Variants in FAM81B observed in about 807,000 individuals in gnomAD.
The protein encoded by FAM81B is family with sequence similarity 81 member B, also known as protein FAM81B.
A neutral mutation model predicts 58.7 loss-of-function variants in FAM81B; 60 were observed. The ratio of observed to expected loss-of-function variants is 1.02; its 90% CI spans 0.83 to 1.27. FAM81B has a LOEUF of 1.27. FAM81B is among the 50% of genes most tolerant of loss of function. FAM81B has a pLI of 0.00. For missense variants in FAM81B, 491 were observed against 522.0 expected, an observed-to-expected ratio of 0.94 and a Z score of 0.58; for synonymous variants, 189 against 179.6, an observed-to-expected ratio of 1.05 and a Z score of -0.42.
intron 3 of FAM81B, among the ~76,000 whole-genome samples, chr5:95,408,075 T>TGAGAGAGAGAGAGAGAGA (rs10567707): frequency 7.1e-4 from 93 of 130,318 alleles, no homozygotes; most frequent in African/African-American, 1.7e-3. Context: ...TCCCCCAAAA[T>TGAGAGAGAGAGAGAGAGA]GAGAGAGAGA....
chr5:95,394,347 A>T (rs540913825), intron 2 of FAM81B, among the ~76,000 whole-genome samples: 5 of 152,204 alleles, frequency 3.3e-5, no homozygotes, highest in Admixed American at 1.3e-4. Context: ...CATACACTTT[A>T]ATTCCACAAA....
chr5:95,408,075 T>TGAGAGAGA (rs10567707), intron 3 of FAM81B, among the ~76,000 whole-genome samples: 3,876 of 130,142 alleles, frequency 0.03, 72 homozygotes, highest in Middle Eastern at 0.048. Context: ...TCCCCCAAAA[T>TGAGAGAGA]GAGAGAGAGA....
intron 3 of FAM81B, among the ~76,000 whole-genome samples, chr5:95,403,174 T>A (rs1324420675): frequency 6.6e-5 from 10 of 152,222 alleles, no homozygotes; most frequent in Non-Finnish European, 1.5e-4. Flanking sequence ...ATATTCTTAC[T>A]CTCCCCGCCT....
chr5:95,439,035 A>G (rs1745209575), intron 7 of FAM81B, among the ~76,000 whole-genome samples: 1 of 150,866 alleles, frequency 6.6e-6, no homozygotes, highest in South Asian at 2.1e-4. Context: ...AGATCAGTAA[A>G]TGTTCTAAGT....
chr5:95,409,484 C>CTTTTTTTTTTTTTTTTTTTTTT (rs1762352172), intron 3 of FAM81B, among the ~76,000 whole-genome samples: 1 of 151,584 alleles, frequency 6.6e-6, no homozygotes, highest in Non-Finnish European at 1.5e-5. Flanking sequence ...AAGAATTTTT[C>CTTTTTTTTTTTTTTTTTTTTTT]TTAATGTGGC....
chr5:95,426,890 T>C (rs183919607), intron 5 of FAM81B, among the ~76,000 whole-genome samples: 2 of 151,980 alleles, frequency 1.3e-5, no homozygotes, highest in East Asian at 1.9e-4. Context: ...CTACTAAAAA[T>C]ACAAAAAAAT....
At chr5:95,430,102 T>C (rs969431224) in intron 6 of FAM81B, among the ~76,000 whole-genome samples, 26 of 152,166 alleles carry the variant, frequency 1.7e-4, no homozygotes, top group African/African-American at 6.0e-4. Flanking sequence ...CAATATTTAA[T>C]TTGGCATCAG....
intron 5 of FAM81B, among the ~76,000 whole-genome samples, chr5:95,422,172 T>A (rs924809795): frequency 2.0e-5 from 3 of 152,250 alleles, no homozygotes; most frequent in East Asian, 1.9e-4. Context: ...TTCTGGAGTG[T>A]GACTTCATTT....
intron 3 of FAM81B, among the ~76,000 whole-genome samples, chr5:95,410,016 A>G (rs1314504628): frequency 6.6e-6 from 1 of 152,220 alleles, no homozygotes; most frequent in African/African-American, 2.4e-5. Flanking sequence ...TACAAACAAA[A>G]CAAAATAAGG....
At chr5:95,431,332 C>T (rs1744881358) in intron 6 of FAM81B, among the ~76,000 whole-genome samples, 1 of 151,974 alleles carries the variant, frequency 6.6e-6, no homozygotes, top group Non-Finnish European at 1.5e-5. Context: ...TTGTAGTTTT[C>T]CTAATATGTG....
At chr5:95,445,635 C>A (rs916129857) in intron 7 of FAM81B, among the ~76,000 whole-genome samples, 1 of 152,098 alleles carries the variant, frequency 6.6e-6, no homozygotes, top group Non-Finnish European at 1.5e-5. Flanking sequence ...TCCTGTACCT[C>A]TATTACTTCT....
chr5:95,437,861 T>A (rs1745167073), intron 7 of FAM81B, among the ~76,000 whole-genome samples: 1 of 152,168 alleles, frequency 6.6e-6, no homozygotes, highest in Non-Finnish European at 1.5e-5. Context: ...ATACTGTCCC[T>A]TATGCTCTTA....
At chr5:95,402,277 CAATATT>C (rs1762134369) in intron 3 of FAM81B, among the ~76,000 whole-genome samples, 3 of 152,096 alleles carry the variant, frequency 2.0e-5, no homozygotes. Flanking sequence ...AATTGGAAAA[CAATATT>C]CTCTGTCCTT....
chr5:95,445,011 C>A (rs749122381), intron 7 of FAM81B, among the ~76,000 whole-genome samples: 2 of 152,216 alleles, frequency 1.3e-5, no homozygotes, highest in South Asian at 4.2e-4. Flanking sequence ...CCCCCAGGGG[C>A]AAGCAGGTGG....
At chr5:95,406,020 A>G (rs1048673285) in intron 3 of FAM81B, 1 of 154,134 alleles carries the variant, frequency 6.5e-6, no homozygotes, top group African/African-American at 2.4e-5. Flanking sequence ...GGACACCTAG[A>G]ATAGTTTGAC....
Position 95,420,341 on chromosome 5 carries a change from G to A in FAM81B, c.595G>A (p.Val199Ile). ...GGCGGCCACAGGAACTAACTTTGCAGTACACGAGATAAACATCAAACACCT... is the reference window on the plus strand; with the variant it reads ...GGCGGCCACAGGAACTAACTTTGCAATACACGAGATAAACATCAAACACCT... ...DQAATGTNFA[V>I]HEINIKHLQG... The change falls in exon 5 of 10, where the codon GTA becomes ATA. Residue 199 changes from valine (V) to isoleucine (I), a missense_variant. Val to Ile is a conservative substitution (Grantham distance 29, BLOSUM62 3). Transcript: ENST00000283357. The A allele has an allele frequency of 1.9e-6, 3 of 1,613,790 alleles. No individual in the cohort carries two copies. The highest frequency in any genetic ancestry group is 2.5e-6 in the Non-Finnish European group (3 of 1,179,718).
At chr5:95,446,507 A>T (rs1334056210) in intron 7 of FAM81B, 55 bp from the exon 8 acceptor site, 1 of 1,455,848 alleles carries the variant, frequency 6.9e-7, no homozygotes, top group Middle Eastern at 2.5e-4. Flanking sequence ...TTCAATACTA[A>T]TTTTTTATGT....
intron 5 of FAM81B, among the ~76,000 whole-genome samples, chr5:95,421,172 T>A (rs1159913157): frequency 1.3e-5 from 2 of 152,200 alleles, no homozygotes; most frequent in South Asian, 2.1e-4. Flanking sequence ...AGCAACATGG[T>A]CTCCTTTCTA....
chr5:95,430,629 T>C (rs1288370821), intron 6 of FAM81B, among the ~76,000 whole-genome samples: 2 of 152,070 alleles, frequency 1.3e-5, no homozygotes, highest in African/African-American at 4.8e-5. Flanking sequence ...TGAATAACCT[T>C]GCACATATGT....
Sources: gnomAD v4.1 joint callset for allele counts (sites outside exome capture counted in the v4.1 genomes callset) on GRCh38, gnomAD v4.1.1 for gene constraint, MANE v1.5 for transcripts, NCBI Gene and HGNC (gene_info 2026-07-23, HGNC 2026-07-21) for gene names.